The following DPYD variants were observed in gnomAD, a reference collection of about 807,000 sequenced individuals.
DPYD encodes dihydropyrimidine dehydrogenase.
Under a neutral mutation model 116.2 loss-of-function variants are expected in DPYD, and 109 were observed. The observed-to-expected ratio is 0.94, with a 90% CI of 0.80 to 1.10. The LOEUF is 1.10. Ranked by LOEUF, DPYD falls within the 50% of genes least tolerant of loss-of-function variation. The pLI is 0.00. For synonymous variants in DPYD, 440 were observed against 432.0 expected (o/e 1.02, Z -0.23); for missense variants, 1,302 against 1,254.5 (o/e 1.04, Z -0.57).
At chr1:97,890,917 A>G (rs985070925) in intron 1 of DPYD, among the ~76,000 whole-genome samples, 13 of 152,020 alleles carry the variant, frequency 8.6e-5, no homozygotes, top group Non-Finnish European at 1.2e-4. Flanking sequence ...TTCACATAGC[A>G]TAAGTAGAAA....
At chr1:97,249,710 A>G (rs539081937) in intron 18 of DPYD, among the ~76,000 whole-genome samples, 1 of 152,352 alleles carries the variant, frequency 6.6e-6, no homozygotes, top group South Asian at 2.1e-4. Flanking sequence ...AAACGAACTC[A>G]TATGTAAAAT....
chr1:97,885,344 A>C (rs1006479394), intron 1 of DPYD, among the ~76,000 whole-genome samples: 10 of 152,068 alleles, frequency 6.6e-5, no homozygotes, highest in Admixed American at 1.3e-4. Flanking sequence ...ACACAAGCTA[A>C]AAATGTTATT....
intron 1 of DPYD, among the ~76,000 whole-genome samples, chr1:97,916,233 G>T (rs1331552727): frequency 6.6e-6 from 1 of 151,980 alleles, no homozygotes; most frequent in African/African-American, 2.4e-5. Context: ...TGTGTACAAC[G>T]TGCAGGTTAG....
At chr1:97,394,556 A>C (rs1672907595) in intron 14 of DPYD, 1 of 152,074 alleles carries the variant, frequency 6.6e-6, no homozygotes, top group Non-Finnish European at 1.5e-5. Flanking sequence ...CACTAATCAC[A>C]GATCACCATA....
intron 3 of DPYD, among the ~76,000 whole-genome samples, chr1:97,743,559 TA>T (rs1664381973): frequency 1.3e-5 from 2 of 152,146 alleles, no homozygotes; most frequent in African/African-American, 4.8e-5. Flanking sequence ...GACCATGCCA[TA>T]ATAGATATTA....
chr1:97,193,478 G>A (rs750937097), intron 19 of DPYD, among the ~76,000 whole-genome samples: 16 of 152,124 alleles, frequency 1.1e-4, no homozygotes, highest in Non-Finnish European at 2.4e-4. Flanking sequence ...AATGGTAATG[G>A]TGTCACAGGT....
intron 20 of DPYD, among the ~76,000 whole-genome samples, chr1:97,179,879 G>T (rs1262567832): frequency 6.6e-6 from 1 of 152,048 alleles, no homozygotes; most frequent in Non-Finnish European, 1.5e-5. Context: ...TGGTTAACTA[G>T]ATCAATATGG....
At chr1:97,559,941 T>C (rs953301912) in intron 11 of DPYD, among the ~76,000 whole-genome samples, 5 of 152,154 alleles carry the variant, frequency 3.3e-5, no homozygotes, top group Admixed American at 3.3e-4. Flanking sequence ...CCTCACAAAA[T>C]AGGTATAACT....
intron 3 of DPYD, among the ~76,000 whole-genome samples, chr1:97,783,580 G>A (rs879291164): frequency 1.3e-5 from 2 of 151,706 alleles, no homozygotes; most frequent in African/African-American, 2.4e-5. Context: ...TTTTAGAGAT[G>A]GGGTTTCACC....
rs77655777 is a variant in DPYD, at chr1:97,576,173, C to T, written c.1129-2203G>A. Among the ~76,000 whole-genome samples, 875 of 152,120 alleles carry T rather than the reference C, an allele frequency of 5.8e-3. 3 individuals carry two copies. The highest frequency in any genetic ancestry group is 0.01 in the Middle Eastern group (3 of 292). On this transcript the variant is annotated intron_variant, in intron 10 of 22. Transcript: ENST00000370192. ...TGTATCGCTTTTGTCATATTTGTGC[C>T]ACATATCACCTTATAACTCATCAAT...
intron 16 of DPYD, among the ~76,000 whole-genome samples, chr1:97,356,821 T>C (rs1298392313): frequency 7.2e-5 from 11 of 152,242 alleles, no homozygotes; most frequent in Admixed American, 6.5e-4. Flanking sequence ...TTAACATCAA[T>C]TGACTATATA....
intron 8 of DPYD, among the ~76,000 whole-genome samples, chr1:97,645,715 A>C (rs1658221828): frequency 6.6e-6 from 1 of 152,018 alleles, no homozygotes; most frequent in African/African-American, 2.4e-5. Context: ...TCCTTACTAC[A>C]TCTTCTGATG....
chr1:97,778,546 T>C (rs1465529035), intron 3 of DPYD, among the ~76,000 whole-genome samples: 2 of 152,270 alleles, frequency 1.3e-5, no homozygotes, highest in Non-Finnish European at 2.9e-5. Flanking sequence ...AAAATACTTC[T>C]GCATTCAATG....
At chr1:97,506,971 C>T (rs1647383134) in intron 13 of DPYD, among the ~76,000 whole-genome samples, 1 of 151,958 alleles carries the variant, frequency 6.6e-6, no homozygotes, top group Admixed American at 6.6e-5. Flanking sequence ...TTCTAACTTG[C>T]AAGATTTAGC....
intron 14 of DPYD, among the ~76,000 whole-genome samples, chr1:97,399,425 T>A (rs1240423116): frequency 6.6e-6 from 1 of 152,114 alleles, no homozygotes; most frequent in Non-Finnish European, 1.5e-5. Flanking sequence ...GACTTGGCAA[T>A]GTGGGCTCTT....
intron 2 of DPYD, among the ~76,000 whole-genome samples, chr1:97,853,386 A>T (rs751199591): frequency 5.3e-5 from 8 of 152,220 alleles, no homozygotes; most frequent in Non-Finnish European, 1.0e-4. Flanking sequence ...TAAGTTTCTG[A>T]AGCAGGTGAA....
chr1:97,269,470 C>A (rs1221806905), intron 18 of DPYD, among the ~76,000 whole-genome samples: 3 of 152,138 alleles, frequency 2.0e-5, no homozygotes, highest in Non-Finnish European at 4.4e-5. Context: ...TTTGTTATAG[C>A]AGCAGTCACA....
chr1:97,207,274 C>T (rs985345266), intron 19 of DPYD, among the ~76,000 whole-genome samples: 1 of 152,158 alleles, frequency 6.6e-6, no homozygotes, highest in Non-Finnish European at 1.5e-5. Flanking sequence ...CAAGAGAATA[C>T]TTTTCTCTCA....
chr1:97,461,944 C>A (rs576096102), intron 13 of DPYD, among the ~76,000 whole-genome samples: 19 of 152,286 alleles, frequency 1.2e-4, no homozygotes, highest in African/African-American at 4.6e-4. Context: ...TTTTGAGGAA[C>A]TGAAAACAAG....
Sources: gnomAD v4.1 joint callset for allele counts (sites outside exome capture counted in the v4.1 genomes callset) on GRCh38, gnomAD v4.1.1 for gene constraint, MANE v1.5 for transcripts, NCBI Gene and HGNC (gene_info 2026-07-23, HGNC 2026-07-21) for gene names.